Variants in KCNC2 observed in about 807,000 individuals in gnomAD.
KCNC2 encodes the protein potassium voltage-gated channel subfamily C member 2.
KCNC2 carries 21 observed loss-of-function variants against 44.5 expected under a neutral mutation model. That is an observed-to-expected ratio of 0.47 (90% CI 0.33 to 0.68). The LOEUF (loss-of-function observed/expected upper bound fraction) is 0.68, where lower values mean the gene tolerates loss of function less well. Among genes scored for constraint, KCNC2 ranks in the 30% least tolerant of loss-of-function variants. The probability of loss-of-function intolerance (pLI) is 0.01; values close to 1 mark genes in which losing one functional copy is unlikely to be tolerated. For synonymous variants in KCNC2, 391 were observed against 339.1 expected, an observed-to-expected ratio of 1.15 and a Z score of -1.68; for missense variants, 589 against 826.2, an observed-to-expected ratio of 0.71 and a Z score of 3.52.
chr12:75,170,728 C>A (rs1468759700), intron 2 of KCNC2, among the ~76,000 whole-genome samples: 1 of 144,522 alleles, frequency 6.9e-6, no homozygotes, highest in Non-Finnish European at 1.5e-5. Context: ...GAGTTCTCAG[C>A]CAAGAGATGT....
chr12:75,143,548 A>T (rs1045718343), intron 2 of KCNC2, among the ~76,000 whole-genome samples: 1 of 152,164 alleles, frequency 6.6e-6, no homozygotes, highest in Non-Finnish European at 1.5e-5. Flanking sequence ...CTTCAGATTC[A>T]AGCCCTACAT....
intron 2 of KCNC2, among the ~76,000 whole-genome samples, chr12:75,066,943 C>T (rs1882889709): frequency 6.6e-6 from 1 of 152,146 alleles, no homozygotes; most frequent in Non-Finnish European, 1.5e-5. Context: ...TGGCTCACGT[C>T]TGTAGTCCCA....
chr12:75,150,390 CATCATCACCACCAGTCTTGATTT>C (rs1263440638), intron 2 of KCNC2, among the ~76,000 whole-genome samples: 3 of 151,832 alleles, frequency 2.0e-5, no homozygotes, highest in Non-Finnish European at 4.4e-5. Context: ...AGACTAGAAC[CATCATCACCACCAGTCTTGATTT>C]ATTTACTTGG....
chr12:75,143,155 G>A (rs1303853197), intron 2 of KCNC2, among the ~76,000 whole-genome samples: 1 of 152,094 alleles, frequency 6.6e-6, no homozygotes, highest in Non-Finnish European at 1.5e-5. Flanking sequence ...TCTAATTCCA[G>A]GAGATTTAAC....
chr12:75,166,620 A>G (rs528791924), intron 2 of KCNC2, among the ~76,000 whole-genome samples: 1 of 151,432 alleles, frequency 6.6e-6, no homozygotes, highest in East Asian at 1.9e-4. Context: ...ACATTCTGCG[A>G]TCACAAGCAA....
At chr12:75,074,805 T>C (rs931112626) in intron 2 of KCNC2, among the ~76,000 whole-genome samples, 1 of 152,174 alleles carries the variant, frequency 6.6e-6, no homozygotes, top group African/African-American at 2.4e-5. Context: ...CCTGAAGTGC[T>C]GGACAAGAGA....
rs1232881517 is a variant in KCNC2 at position 75,209,776 on chromosome 12, G to A, written c.-589C>T. ...GTGGGTGGGTCTGGAGAAGCTATGT[G>A]TACCAACCAGGTTCACATATTTTTC... On this transcript the variant is annotated 5_prime_UTR_variant, in exon 1 of 5. Coordinates refer to ENST00000549446, the MANE Select transcript of KCNC2 (RefSeq NM_139137.4). 6.6e-6 allele frequency: 1 copy of A among 152,184 alleles called. No homozygotes were observed. The highest frequency in any genetic ancestry group is 2.4e-5 in the African/African-American group (1 of 41,392). The allele number at this position is 152,184 out of a possible 1,614,324, so 9.4% of individuals were successfully genotyped here.
Position 75,182,530 on chromosome 12 carries a change from A to C in KCNC2, c.687+24767T>G, listed in dbSNP as rs553889050. ...AGCGAGATTCCGTCTCAAAAAAAAAAAAAAAAACAAAAAAAACAAAAAAAA... is the reference window on the plus strand; with the variant it reads ...AGCGAGATTCCGTCTCAAAAAAAAACAAAAAAACAAAAAAAACAAAAAAAA... On this transcript the variant is annotated intron_variant, in intron 2 of 4. Transcript: ENST00000549446. Among the ~76,000 whole-genome samples, 222 of 135,736 alleles carry C rather than the reference A, an allele frequency of 1.6e-3. 2 individuals are homozygous for C. The highest frequency in any genetic ancestry group is 0.015 in the East Asian group (69 of 4,678). 89.0% of individuals were successfully genotyped at this position (135,736 alleles called of 152,430 possible). A position where few individuals can be genotyped will look rare whatever the true frequency, so the allele number is the denominator to read the frequency against.
chr12:75,201,308 G>T (rs1041235902), intron 2 of KCNC2, among the ~76,000 whole-genome samples: 9 of 118,296 alleles, frequency 7.6e-5, no homozygotes, highest in Admixed American at 9.6e-5. Flanking sequence ...ACCAGATTCT[G>T]GTTTACTTTA....
At chr12:75,168,194 G>GA (rs1421965108) in intron 2 of KCNC2, among the ~76,000 whole-genome samples, 2 of 151,308 alleles carry the variant, frequency 1.3e-5, no homozygotes, top group East Asian at 1.9e-4. Flanking sequence ...TCAAGCCCTG[G>GA]AAAAAACTCT....
intron 2 of KCNC2, among the ~76,000 whole-genome samples, chr12:75,076,670 A>G (rs1356466655): frequency 6.6e-6 from 1 of 152,196 alleles, no homozygotes; most frequent in Non-Finnish European, 1.5e-5. Flanking sequence ...TGCTTTACTT[A>G]TGATTCTCCT....
chr12:75,195,528 C>G (rs566516439), intron 2 of KCNC2, among the ~76,000 whole-genome samples: 36 of 152,166 alleles, frequency 2.4e-4, no homozygotes, highest in Admixed American at 9.8e-4. Context: ...AGGGAACATT[C>G]TTGACTTTTC....
intron 2 of KCNC2, among the ~76,000 whole-genome samples, chr12:75,166,047 TAA>T (rs1319426128): frequency 3.3e-5 from 5 of 151,130 alleles, no homozygotes; most frequent in African/African-American, 1.2e-4. Flanking sequence ...AAGTTGAAAG[TAA>T]AGAATGGAAA....
intron 2 of KCNC2, among the ~76,000 whole-genome samples, chr12:75,053,008 G>T (rs1019763929): frequency 6.6e-6 from 1 of 151,892 alleles, no homozygotes; most frequent in African/African-American, 2.4e-5. Context: ...ACATTCTTTT[G>T]TCATTCAGTT....
chr12:75,132,872 C>T (rs989774438), intron 2 of KCNC2, among the ~76,000 whole-genome samples: 1 of 152,024 alleles, frequency 6.6e-6, no homozygotes, highest in African/African-American at 2.4e-5. Context: ...ACTACTACTC[C>T]AGGTTCCCTA....
intron 2 of KCNC2, among the ~76,000 whole-genome samples, chr12:75,135,056 T>C (rs1008216318): frequency 1.3e-5 from 2 of 151,942 alleles, no homozygotes; most frequent in Admixed American, 6.6e-5. Flanking sequence ...GTATTTATAC[T>C]CTCAAATGTT....
intron 2 of KCNC2, among the ~76,000 whole-genome samples, chr12:75,174,576 A>G (rs1457494874): frequency 6.6e-6 from 1 of 151,964 alleles, no homozygotes; most frequent in Non-Finnish European, 1.5e-5. Context: ...TTTATTTGAC[A>G]TAGAGCACAT....
chr12:75,132,523 A>G (rs1221672259), intron 2 of KCNC2, among the ~76,000 whole-genome samples: 1 of 152,166 alleles, frequency 6.6e-6, no homozygotes, highest in Non-Finnish European at 1.5e-5. Flanking sequence ...GAACAAAACA[A>G]AATTCATGAA....
At chr12:75,154,522 T>C (rs1275521411) in intron 2 of KCNC2, among the ~76,000 whole-genome samples, 1 of 151,988 alleles carries the variant, frequency 6.6e-6, no homozygotes, top group Non-Finnish European at 1.5e-5. Context: ...GTCAGGCTTC[T>C]AGGACTCATC....
Sources: gnomAD v4.1 joint callset for allele counts (sites outside exome capture counted in the v4.1 genomes callset) on GRCh38, gnomAD v4.1.1 for gene constraint, MANE v1.5 for transcripts, NCBI Gene and HGNC (gene_info 2026-07-23, HGNC 2026-07-21) for gene names.